Variants in ALDH1L1 observed in about 807,000 individuals in gnomAD.
The protein encoded by ALDH1L1 is cytosolic 10-formyltetrahydrofolate dehydrogenase.
Under a neutral mutation model 101.1 loss-of-function variants are expected in ALDH1L1, and 68 were observed. The ratio of observed to expected loss-of-function variants is 0.67; its 90% CI spans 0.55 to 0.82. The LOEUF (loss-of-function observed/expected upper bound fraction) is 0.82. Among genes scored for constraint, ALDH1L1 ranks in the 40% least tolerant of loss-of-function variants. The pLI is 0.00. For missense variants in ALDH1L1, 1,087 were observed against 1,172.7 expected, an observed-to-expected ratio of 0.93 and a Z score of 1.07; for synonymous variants, 486 against 470.8, an observed-to-expected ratio of 1.03 and a Z score of -0.42.
chr3:126,103,689 A>C lies in ALDH1L1; in HGVS notation c.*102T>G. 5 of 1,285,414 alleles carry C rather than the reference A, an allele frequency of 3.9e-6. No individual in the cohort carries two copies. The highest frequency in any genetic ancestry group is 5.5e-6 in the Non-Finnish European group (5 of 908,616). 79.6% of individuals were successfully genotyped at this position (1,285,414 alleles called of 1,614,324 possible). A position where few individuals can be genotyped will look rare whatever the true frequency, so the allele number is the denominator to read the frequency against. On this transcript the variant is annotated 3_prime_UTR_variant, in exon 23 of 23. Coordinates refer to ENST00000393434, the MANE Select transcript of ALDH1L1 (RefSeq NM_012190.4). ...ATGGTGTGCAGGCAGGAGGGCTTCC[A>C]CTAGCCCCCCAGGTGGGAGGTGCTG...
At chr3:126,182,968 C>A (rs919254520), upstream of ALDH1L1, among the ~76,000 whole-genome samples, 1 of 152,090 alleles carries the variant, frequency 6.6e-6, no homozygotes, top group African/African-American at 2.4e-5. Context: ...TAAAAAGGAA[C>A]CATAACTTGG....
chr3:126,120,132 A>G (rs1431972910), intron 16 of ALDH1L1, among the ~76,000 whole-genome samples: 1 of 152,226 alleles, frequency 6.6e-6, no homozygotes, highest in Admixed American at 6.5e-5. Flanking sequence ...CTTGATATTT[A>G]CCCGAAGGAG....
chr3:126,189,572 C>CA (rs1423749102), intron 1 of ALDH1L1, among the ~76,000 whole-genome samples: 1 of 152,170 alleles, frequency 6.6e-6, no homozygotes, highest in Non-Finnish European at 1.5e-5. Context: ...CACAGGGTTC[C>CA]AGGGCAATCT....
chr3:126,140,005 G>A (rs1823212), intron 9 of ALDH1L1, among the ~76,000 whole-genome samples: 34,114 of 152,016 alleles, frequency 0.22, 4,685 homozygotes, highest in African/African-American at 0.39. Context: ...AGAAATAGTG[G>A]CCCCAAAGTT....
chr3:126,131,080 C>T (rs935647071), intron 13 of ALDH1L1, among the ~76,000 whole-genome samples: 1 of 152,222 alleles, frequency 6.6e-6, no homozygotes, highest in Admixed American at 6.5e-5. Flanking sequence ...TGCATCCACA[C>T]GGAACTGAAC....
At chr3:126,121,835 C>A (rs2080085556) in intron 16 of ALDH1L1, among the ~76,000 whole-genome samples, 1 of 152,228 alleles carries the variant, frequency 6.6e-6, no homozygotes, top group Non-Finnish European at 1.5e-5. Context: ...GCGAAGGAAG[C>A]TGGCATCCAC....
rs557996019 is a variant in ALDH1L1 at position 126,146,461 on chromosome 3, G to A, written c.1076+374C>T. Among the ~76,000 whole-genome samples, 8 of 152,294 alleles carry A rather than the reference G, an allele frequency of 5.3e-5. No homozygotes were observed. In the South Asian group the frequency reaches 1.7e-3, roughly 32 times the overall value. On this transcript the variant is annotated intron_variant, in intron 9 of 22. Coordinates refer to ENST00000393434, the MANE Select transcript of ALDH1L1 (RefSeq NM_012190.4). ...CATAGTACTGTGAGCTAAGGATATG[G>A]TGTTGGTTTAAATCTCAATGTTTTG... is the stretch of plus-strand genomic sequence containing the variant.
At position 126,130,311 on chromosome 3, in the gene ALDH1L1, G is replaced by A; in HGVS notation, c.1624-18C>T. 1 of 1,596,824 alleles carries A rather than the reference G, an allele frequency of 6.3e-7. No homozygotes were observed. The highest frequency in any genetic ancestry group is 8.5e-7 in the Non-Finnish European group (1 of 1,171,476). ...GTGGAGCCCTGGAAGAGGAACAGGG[G>A]CAGTCACCCAGGGGCCCAGGGTCCA... On this transcript the variant is annotated intron_variant, in intron 13 of 22. Transcript: ENST00000393434.
intron 9 of ALDH1L1, among the ~76,000 whole-genome samples, chr3:126,139,069 C>T (rs1367834082): frequency 6.6e-6 from 1 of 152,250 alleles, no homozygotes; most frequent in African/African-American, 2.4e-5. Flanking sequence ...ACGCAGCTTG[C>T]TGAAGCCAGG....
At chr3:126,117,314 C>T (rs62263531) in intron 17 of ALDH1L1, among the ~76,000 whole-genome samples, 4 of 151,216 alleles carry the variant, frequency 2.6e-5, no homozygotes, top group Non-Finnish European at 4.4e-5. Context: ...TTATTTAACC[C>T]AACTAATCAA....
rs771401495 is a variant in ALDH1L1 at position 126,105,848 on chromosome 3, T to C, written c.2531A>G (p.Asn844Ser). 4.3e-6 allele frequency: 7 copies of C among 1,614,052 alleles called. No individual in the cohort carries two copies. Among genetic ancestry groups the C allele is most frequent in the African/African-American group, 4.0e-5 (3 of 74,926 alleles). ...LASGVFTRDI[N>S]KALYVSDKLQ... ...CTTGTCACTGACATACAGGGCCTTG[T>C]TGATGTCCCTGGTGAAGACACCAGA... is the stretch of plus-strand genomic sequence containing the variant. Residue 844 changes from asparagine (N) to serine (S), a missense_variant, in exon 22 of 23, where the codon AAC (asparagine) becomes AGC (serine). Asn to Ser is a conservative substitution (Grantham distance 46). Coordinates refer to ENST00000393434, the MANE Select transcript of ALDH1L1 (RefSeq NM_012190.4).
chr3:126,160,797 T>C lies in ALDH1L1; in HGVS notation c.127+56A>G, dbSNP rs1256272544. The C allele has an allele frequency of 5.0e-6, 8 of 1,593,262 alleles. No homozygotes were observed. The South Asian group carries it at 5.8e-5, about 12-fold the overall frequency. On this transcript the variant is annotated intron_variant, in intron 2 of 22. Coordinates refer to ENST00000393434, the MANE Select transcript of ALDH1L1 (RefSeq NM_012190.4). ...AGACTCCCACCTACTGCTTCCCTTC[T>C]ACCTGGATGGGCGGGCCGCCCTCCA... is the stretch of plus-strand genomic sequence containing the variant.
chr3:126,117,897 G>A (rs2080003730), intron 17 of ALDH1L1, 108 bp downstream of exon 17: 1 of 1,112,800 alleles, frequency 9.0e-7, no homozygotes, highest in South Asian at 1.4e-5. Flanking sequence ...CACGGAAGTG[G>A]CTGTGCCCTG....
Position 126,155,456 on chromosome 3 carries a change from AG to A in ALDH1L1, c.575del (p.Pro192LeufsTer51), listed in dbSNP as rs773295037. The A allele has an allele frequency of 6.2e-7, 1 of 1,613,310 alleles. No homozygotes were observed. Among genetic ancestry groups the A allele is most frequent in the Non-Finnish European group, 8.5e-7 (1 of 1,179,740 alleles). On this transcript the variant is annotated frameshift_variant, in exon 5 of 23. Coordinates refer to ENST00000393434, the MANE Select transcript of ALDH1L1 (RefSeq NM_012190.4). LOFTEE classifies it high-confidence loss of function. ...LIAEGKAPRL[P>X]QPEEGATYEG... The stretch of plus-strand genomic sequence containing the variant: ...CATAGGTGGCTCCTTCCTCAGGCTG[AG>A]GGAGTCTGGGGGCTTTGCCCTCAGC...
chr3:126,143,414 C>CATCATTCTATCCA (rs2080607705), intron 9 of ALDH1L1, among the ~76,000 whole-genome samples: 1 of 152,114 alleles, frequency 6.6e-6, no homozygotes, highest in Non-Finnish European at 1.5e-5. Context: ...CATGAGATTT[C>CATCATTCTATCCA]ATCATTCTAT....
intron 8 of ALDH1L1, among the ~76,000 whole-genome samples, chr3:126,149,973 T>C (rs1013968796): frequency 1.3e-5 from 2 of 152,160 alleles, no homozygotes; most frequent in Admixed American, 6.5e-5. Flanking sequence ...CAGCATCATA[T>C]TGGGGCAAAG....
rs751997095 is a variant in ALDH1L1, at chr3:126,136,822, T to TC, written c.1285dup (p.Glu429GlyfsTer12). On this transcript the variant is annotated frameshift_variant, in exon 11 of 23. Coordinates refer to ENST00000393434, the MANE Select transcript of ALDH1L1 (RefSeq NM_012190.4). LOFTEE classifies it high-confidence loss of function. ...CTTGGCGCCCTCGGCATCCACGAAC[T>TC]CCCCCCCAATGAAGAGCTGGTGGGG... The TC allele has an allele frequency of 5.0e-6, 8 of 1,608,120 alleles. No individual in the cohort carries two copies. Among genetic ancestry groups the TC allele is most frequent in the Admixed American group, 1.7e-5 (1 of 59,186 alleles).
At chr3:126,180,065 A>C (rs950514824) in intron 1 of ALDH1L1, 6 of 152,328 alleles carry the variant, frequency 3.9e-5, no homozygotes, top group Admixed American at 3.9e-4. Flanking sequence ...CCCAGGAAAC[A>C]GGTAGTCCCC....
At chr3:126,175,561 T>C (rs1354023855) in intron 1 of ALDH1L1, among the ~76,000 whole-genome samples, 3 of 152,272 alleles carry the variant, frequency 2.0e-5, no homozygotes, top group East Asian at 3.9e-4. Flanking sequence ...AATCAATTAA[T>C]GTAATCCATC....
Sources: gnomAD v4.1 joint callset for allele counts (sites outside exome capture counted in the v4.1 genomes callset) on GRCh38, gnomAD v4.1.1 for gene constraint, MANE v1.5 for transcripts, NCBI Gene and HGNC (gene_info 2026-07-23, HGNC 2026-07-21) for gene names.